The following GRM5 variants were observed in gnomAD, a reference collection of about 807,000 sequenced individuals.
The protein encoded by GRM5 is glutamate metabotropic receptor 5.
In GRM5, 19 loss-of-function variants were observed where a neutral mutation model predicts 83.1. The ratio of observed to expected loss-of-function variants is 0.23; its 90% CI spans 0.16 to 0.34. The LOEUF is 0.34. Among genes scored for constraint, GRM5 ranks in the 10% least tolerant of loss-of-function variants. The pLI is 1.00. For missense variants in GRM5, 1,160 were observed against 1,588.3 expected (o/e 0.73, Z 4.58); for synonymous variants, 675 against 633.6 (o/e 1.07, Z -0.98).
At chr11:88,938,417 A>G (rs1315169194) in intron 2 of GRM5, among the ~76,000 whole-genome samples, 1 of 151,678 alleles carries the variant, frequency 6.6e-6, no homozygotes, top group Non-Finnish European at 1.5e-5. Flanking sequence ...TAGAAAATTT[A>G]CTTAAGAAAC....
At position 89,035,165 on chromosome 11, in the gene GRM5, T is replaced by G. The variant is rs879725115; in HGVS notation, c.661+12047A>C. On this transcript the variant is annotated intron_variant, in intron 2 of 9. Transcript: ENST00000305447. ...AGAGTATAATATTTCTGTCTTCATGTATTTCCTGTTTTATGAAATCATTTC... is the reference window on the plus strand; with the variant it reads ...AGAGTATAATATTTCTGTCTTCATGGATTTCCTGTTTTATGAAATCATTTC... 2.0e-5 allele frequency among the ~76,000 whole-genome samples: 3 copies of G among 151,796 alleles called. No homozygotes were observed. In the East Asian group the frequency reaches 5.8e-4, roughly 29 times the overall value.
At chr11:88,572,169 AAGTTAC>A (rs1383253809) in intron 7 of GRM5, among the ~76,000 whole-genome samples, 4 of 152,212 alleles carry the variant, frequency 2.6e-5, no homozygotes, top group Non-Finnish European at 4.4e-5. Context: ...ATCAGTGTGG[AAGTTAC>A]AGCTTTAGGA....
chr11:88,826,156 T>A (rs889154542), intron 3 of GRM5, among the ~76,000 whole-genome samples: 2 of 152,168 alleles, frequency 1.3e-5, no homozygotes, highest in African/African-American at 4.8e-5. Context: ...CAAAATAATG[T>A]AAGGCCAACA....
intron 3 of GRM5, among the ~76,000 whole-genome samples, chr11:88,697,666 G>T (rs1391149941): frequency 6.6e-6 from 1 of 152,146 alleles, no homozygotes; most frequent in African/African-American, 2.4e-5. Flanking sequence ...ATGCACAATT[G>T]TGACTAGGAA....
chr11:88,790,528 T>C (rs1288003690), intron 3 of GRM5, among the ~76,000 whole-genome samples: 1 of 152,220 alleles, frequency 6.6e-6, no homozygotes, highest in Non-Finnish European at 1.5e-5. Flanking sequence ...GAAACTCTTC[T>C]TTTTTAATAT....
At position 88,597,341 on chromosome 11, in the gene GRM5, A is replaced by G. The variant is rs1185956564; in HGVS notation, c.1406T>C (p.Met469Thr). The G allele has an allele frequency of 6.8e-7, 1 of 1,480,184 alleles. No individual in the cohort carries two copies. Among genetic ancestry groups the G allele is most frequent in the Non-Finnish European group, 9.4e-7 (1 of 1,063,894 alleles). 91.7% of individuals were successfully genotyped at this position (1,480,184 alleles called of 1,614,324 possible). A position where few individuals can be genotyped will look rare whatever the true frequency, so the allele number is the denominator to read the frequency against. ...NGDSPGRYEIMNFKEMGKDYF... is the reference protein window; with the variant it reads ...NGDSPGRYEITNFKEMGKDYF... ...ATCTTTTCCCATTTCCTTGAAATTC[A>G]TTATTTCATACCTTAGGAATAAGAA... The change falls in exon 6 of 10, where the codon ATG (methionine) becomes ACG (threonine). Residue 469 changes from methionine to threonine, a missense_variant. By Grantham distance (81) the Met-to-Thr change is moderately conservative. Transcript: ENST00000305447.
intron 2 of GRM5, among the ~76,000 whole-genome samples, chr11:88,965,323 C>G (rs1938919451): frequency 1.3e-5 from 2 of 152,110 alleles, no homozygotes; most frequent in South Asian, 4.1e-4. Flanking sequence ...TCTATCCTCA[C>G]ATGGAGGAAA....
At chr11:88,592,760 A>G (rs1402998915) in intron 6 of GRM5, among the ~76,000 whole-genome samples, 3 of 152,198 alleles carry the variant, frequency 2.0e-5, no homozygotes, top group Non-Finnish European at 4.4e-5. Flanking sequence ...CGAGGTAGTG[A>G]CAATTCTCTT....
intron 4 of GRM5, among the ~76,000 whole-genome samples, chr11:88,648,095 G>A (rs1273006507): frequency 2.6e-5 from 4 of 152,250 alleles, no homozygotes; most frequent in South Asian, 4.2e-4. Context: ...AGTCAGTGTG[G>A]CGATTCCTCA....
intron 3 of GRM5, among the ~76,000 whole-genome samples, chr11:88,705,764 T>C (rs940212370): frequency 6.6e-6 from 1 of 152,140 alleles, no homozygotes; most frequent in South Asian, 2.1e-4. Context: ...CTCTCCTCTA[T>C]GTTTCTCTCC....
chr11:88,591,869 T>C (rs528847901), intron 6 of GRM5, among the ~76,000 whole-genome samples: 1 of 152,370 alleles, frequency 6.6e-6, no homozygotes, highest in Non-Finnish European at 1.5e-5. Flanking sequence ...TAATATCGAC[T>C]ATTTCCAGGC....
chr11:88,705,028 G>T (rs1499034), intron 3 of GRM5, among the ~76,000 whole-genome samples: 120,143 of 151,996 alleles, frequency 0.79, 51,073 homozygotes, highest in Non-Finnish European at 0.96. Context: ...ACATATGATT[G>T]TATATCAAAT....
At chr11:88,637,933 A>C (rs534059322) in intron 4 of GRM5, among the ~76,000 whole-genome samples, 6 of 151,688 alleles carry the variant, frequency 4.0e-5, no homozygotes, top group East Asian at 3.9e-4. Flanking sequence ...AGACTGGATT[A>C]AGAAAATGTG....
chr11:89,059,781 T>C (rs566681172), intron 1 of GRM5, among the ~76,000 whole-genome samples: 1 of 152,272 alleles, frequency 6.6e-6, no homozygotes, highest in East Asian at 1.9e-4. Context: ...TATTTTTCTC[T>C]TTATGTCTTC....
At position 88,953,744 on chromosome 11, in the gene GRM5, GA is replaced by G. The variant is rs5793366; in HGVS notation, c.661+93467del. 2.6e-3 allele frequency among the ~76,000 whole-genome samples: 392 copies of G among 152,058 alleles called. 3 individuals carry two copies. The highest frequency in any genetic ancestry group is 8.7e-3 in the African/African-American group (359 of 41,408). On this transcript the variant is annotated intron_variant, in intron 2 of 9. Coordinates refer to ENST00000305447, the MANE Select transcript of GRM5 (RefSeq NM_001143831.3). ...GCTGCTGAATCATGTAATTTATGGT[GA>G]AAAAAATCAAAATGTCATTTAATGG... is the stretch of plus-strand genomic sequence containing the variant.
At chr11:88,833,405 G>A (rs1944033899) in intron 3 of GRM5, among the ~76,000 whole-genome samples, 1 of 152,082 alleles carries the variant, frequency 6.6e-6, no homozygotes, top group African/African-American at 2.4e-5. Context: ...ATAAGCACCA[G>A]GGAAATGTAA....
intron 3 of GRM5, among the ~76,000 whole-genome samples, chr11:88,758,225 A>C (rs943953816): frequency 3.9e-5 from 6 of 152,196 alleles, no homozygotes; most frequent in Non-Finnish European, 8.8e-5. Context: ...AAGTGTTCTC[A>C]ATCAGGCTGA....
chr11:88,864,500 GTGATTTTTGCACAT>G (rs1944625729), intron 2 of GRM5, among the ~76,000 whole-genome samples: 1 of 152,050 alleles, frequency 6.6e-6, no homozygotes, highest in Admixed American at 6.6e-5. Flanking sequence ...AGGAATGCTT[GTGATTTTTGCACAT>G]TGATTTTGTA....
chr11:88,928,907 T>TACACACACAC (rs1555043262), intron 2 of GRM5, among the ~76,000 whole-genome samples: 11 of 138,674 alleles, frequency 7.9e-5, no homozygotes, highest in South Asian at 2.3e-4. Context: ...TATGTGTATA[T>TACACACACAC]ACACACACAC....
Sources: allele counts gnomAD v4.1 joint callset (sites outside exome capture counted in the v4.1 genomes callset), GRCh38; gene constraint gnomAD v4.1.1; transcripts MANE v1.5; gene names NCBI Gene and HGNC (gene_info 2026-07-23, HGNC 2026-07-21).